The following MACROD1 variants were observed in gnomAD, a reference collection of about 807,000 sequenced individuals.
The protein encoded by MACROD1 is ADP-ribose glycohydrolase MACROD1.
Under a neutral mutation model 41.4 loss-of-function variants are expected in MACROD1, and 31 were observed. The ratio of observed to expected loss-of-function variants is 0.75; its 90% CI spans 0.56 to 1.01. MACROD1 has a LOEUF of 1.01. MACROD1 is among the 50% of genes least tolerant of loss of function. The pLI, the probability that MACROD1 is intolerant of heterozygous loss-of-function variation, is 0.00. For missense variants in MACROD1, 473 were observed against 460.0 expected, an observed-to-expected ratio of 1.03 and a Z score of -0.26; for synonymous variants, 252 against 203.4, an observed-to-expected ratio of 1.24 and a Z score of -2.03.
chr11:64,029,582 C>A (rs1189940407), intron 3 of MACROD1, among the ~76,000 whole-genome samples: 1 of 152,074 alleles, frequency 6.6e-6, no homozygotes, highest in Non-Finnish European at 1.5e-5. Flanking sequence ...GCCACAGACT[C>A]TGCACCATCC....
intron 3 of MACROD1, among the ~76,000 whole-genome samples, chr11:64,058,782 A>T (rs902813553): frequency 6.6e-6 from 1 of 152,208 alleles, no homozygotes; most frequent in Non-Finnish European, 1.5e-5. Flanking sequence ...TTCCTCTGTC[A>T]TCGGCCAGGG....
intron 4 of MACROD1, among the ~76,000 whole-genome samples, chr11:64,006,031 C>T (rs1429593082): frequency 1.3e-5 from 2 of 152,234 alleles, no homozygotes; most frequent in African/African-American, 4.8e-5. Context: ...ACAGAAATAC[C>T]AGATGCCAAG....
chr11:64,042,131 T>C (rs1170081731), intron 3 of MACROD1, among the ~76,000 whole-genome samples: 2 of 152,090 alleles, frequency 1.3e-5, no homozygotes, highest in Non-Finnish European at 2.9e-5. Context: ...GGGAGACAGA[T>C]GTGCACCACG....
At position 64,159,233 on chromosome 11, in the gene MACROD1, C is replaced by T. The variant is rs1457048683; in HGVS notation, c.298+6464G>A. On this transcript the variant is annotated intron_variant, in intron 1 of 10. Coordinates refer to ENST00000255681, the MANE Select transcript of MACROD1 (RefSeq NM_014067.4). ...ACTCAGGAGGCTGAGGCAAGAGAAT[C>T]GCTTGAACCCAGAAGGCGGAGGTTG... is the stretch of plus-strand genomic sequence containing the variant. 4.0e-5 allele frequency among the ~76,000 whole-genome samples: 6 copies of T among 148,918 alleles called. No homozygotes were observed. In the East Asian group the frequency reaches 8.0e-4, roughly 20 times the overall value.
Position 64,049,658 on chromosome 11 carries a change from C to G in MACROD1, c.518-34377G>C, listed in dbSNP as rs377141322. 1.2e-3 allele frequency among the ~76,000 whole-genome samples: 188 copies of G among 152,328 alleles called. 1 individual carries two copies. Among genetic ancestry groups the G allele is most frequent in the African/African-American group, 4.1e-3 (169 of 41,574 alleles). ...GGAGGTGCCTGCTGAAGGGGGTGGACGCTGGGGGTGCAGACAGACAGCTCA... is the reference window on the plus strand; with the variant it reads ...GGAGGTGCCTGCTGAAGGGGGTGGAGGCTGGGGGTGCAGACAGACAGCTCA... On this transcript the variant is annotated intron_variant, in intron 3 of 10. Transcript: ENST00000255681.
At chr11:64,148,786 T>C in intron 3 of MACROD1, 6 of 985,698 alleles carry the variant, frequency 6.1e-6, no homozygotes, top group Non-Finnish European at 7.2e-6. Context: ...AACAGGCTGA[T>C]ATATGGGCTC....
At chr11:64,083,917 G>A (rs527400949) in intron 3 of MACROD1, among the ~76,000 whole-genome samples, 50 of 152,348 alleles carry the variant, frequency 3.3e-4, no homozygotes, top group Non-Finnish European at 5.7e-4. Context: ...GGCCGGCCCC[G>A]TGGGCAGGGG....
At chr11:64,019,340 C>T (rs1445891500) in intron 3 of MACROD1, among the ~76,000 whole-genome samples, 2 of 152,208 alleles carry the variant, frequency 1.3e-5, no homozygotes, top group Non-Finnish European at 2.9e-5. Flanking sequence ...GTCCTCTGTC[C>T]GCTGCTGGCG....
At chr11:64,121,213 G>A (rs955275635) in intron 3 of MACROD1, among the ~76,000 whole-genome samples, 3 of 152,098 alleles carry the variant, frequency 2.0e-5, no homozygotes, top group African/African-American at 4.8e-5. Context: ...CAGGAGCCCT[G>A]GCAGCTGCCC....
intron 3 of MACROD1, among the ~76,000 whole-genome samples, chr11:64,053,860 G>A (rs1295945930): frequency 6.6e-6 from 1 of 152,156 alleles, no homozygotes; most frequent in Non-Finnish European, 1.5e-5. Flanking sequence ...GGGAGTTAGG[G>A]GCAGGGCTAA....
chr11:64,131,624 C>A (rs1034034762), intron 3 of MACROD1, among the ~76,000 whole-genome samples: 1 of 152,166 alleles, frequency 6.6e-6, no homozygotes, highest in Non-Finnish European at 1.5e-5. Flanking sequence ...CCGCGCCCAG[C>A]CCCTCAGGAT....
chr11:64,132,497 T>C (rs1945279684), intron 3 of MACROD1, among the ~76,000 whole-genome samples: 1 of 151,408 alleles, frequency 6.6e-6, no homozygotes, highest in Admixed American at 6.6e-5. Context: ...AAACCCAGGG[T>C]GAAGGGCTTC....
intron 3 of MACROD1, among the ~76,000 whole-genome samples, chr11:64,119,479 C>G (rs1009866387): frequency 6.6e-6 from 1 of 152,052 alleles, no homozygotes; most frequent in African/African-American, 2.4e-5. Context: ...TTACCATGTG[C>G]TGAATGTTCC....
At chr11:64,037,295 G>C (rs1486337508) in intron 3 of MACROD1, among the ~76,000 whole-genome samples, 1 of 152,156 alleles carries the variant, frequency 6.6e-6, no homozygotes, top group East Asian at 1.9e-4. Context: ...TGCCACTGTG[G>C]AGGGAGGTGG....
intron 3 of MACROD1, among the ~76,000 whole-genome samples, chr11:64,124,178 A>G (rs1417292520): frequency 6.6e-6 from 1 of 152,202 alleles, no homozygotes; most frequent in African/African-American, 2.4e-5. Flanking sequence ...GAAAGTACAG[A>G]TACATGCCAC....
intron 4 of MACROD1, among the ~76,000 whole-genome samples, chr11:64,011,022 G>A (rs965600417): frequency 4.8e-5 from 7 of 146,582 alleles, no homozygotes; most frequent in African/African-American, 1.0e-4. Context: ...GTTGGTTGAG[G>A]TGTTGGTTGG....
chr11:64,024,351 A>G (rs548186289), intron 3 of MACROD1, among the ~76,000 whole-genome samples: 1 of 152,340 alleles, frequency 6.6e-6, no homozygotes, highest in South Asian at 2.1e-4. Context: ...CCCTCCCCAC[A>G]AGAGCCCGTT....
At chr11:64,135,097 C>T (rs1945315152) in intron 3 of MACROD1, among the ~76,000 whole-genome samples, 1 of 152,212 alleles carries the variant, frequency 6.6e-6, no homozygotes, top group Non-Finnish European at 1.5e-5. Flanking sequence ...ACCCAGAGGG[C>T]TTATTTTTCA....
At chr11:64,010,615 G>A (rs1264765176) in intron 4 of MACROD1, among the ~76,000 whole-genome samples, 1 of 150,222 alleles carries the variant, frequency 6.7e-6, no homozygotes, top group African/African-American at 2.5e-5. Context: ...TGCTTGAGGT[G>A]TTGGCTGGGG....
Sources: allele counts gnomAD v4.1 joint callset (sites outside exome capture counted in the v4.1 genomes callset), GRCh38; gene constraint gnomAD v4.1.1; transcripts MANE v1.5; gene names NCBI Gene and HGNC (gene_info 2026-07-23, HGNC 2026-07-21).